ATRNL1: variants seen among roughly 807,000 people sequenced by gnomAD.
ATRNL1 encodes attractin-like protein 1.
In ATRNL1, 95 loss-of-function variants were observed where a neutral mutation model predicts 182.7. That is an observed-to-expected ratio of 0.52 (90% CI 0.44 to 0.62). The LOEUF is 0.62. Among genes scored for constraint, ATRNL1 ranks in the 20% least tolerant of loss-of-function variants. The pLI is 0.00. For missense variants in ATRNL1, 1,471 were observed against 1,679.5 expected (o/e 0.88, Z 2.17); for synonymous variants, 576 against 568.3 (o/e 1.01, Z -0.19).
chr10:115,434,724 C>T (rs1554964556), intron 21 of ATRNL1, among the ~76,000 whole-genome samples: 1 of 152,012 alleles, frequency 6.6e-6, no homozygotes, highest in Non-Finnish European at 1.5e-5. Flanking sequence ...GGCATGCATT[C>T]CAATAAATTA....
rs538213010 is a variant in ATRNL1, at chr10:115,451,938, T to A, written c.3323-10003T>A. On this transcript the variant is annotated intron_variant, in intron 21 of 28. Coordinates refer to ENST00000355044, the MANE Select transcript of ATRNL1 (RefSeq NM_207303.4). ...TGGAATACTATGTAGCCATAAAAAA[T>A]GAGATCATATATTTTGTGGGAATAT... Among the ~76,000 whole-genome samples the A allele has an allele frequency of 1.4e-4, 21 of 152,172 alleles. 1 individual carries two copies. In the South Asian group the frequency reaches 4.4e-3, roughly 32 times the overall value.
intron 27 of ATRNL1, among the ~76,000 whole-genome samples, chr10:115,752,956 G>A (rs564692733): frequency 6.6e-6 from 1 of 152,092 alleles, no homozygotes; most frequent in South Asian, 2.1e-4. Flanking sequence ...CGTGAGTTTG[G>A]TCAAGGGCTA....
intron 13 of ATRNL1, among the ~76,000 whole-genome samples, chr10:115,272,676 T>C (rs1554913552): frequency 6.6e-6 from 1 of 152,206 alleles, no homozygotes; most frequent in East Asian, 1.9e-4. Context: ...TATTGGATGC[T>C]GACTCAGAGC....
At chr10:115,326,374 A>G (rs1854882703) in intron 18 of ATRNL1, among the ~76,000 whole-genome samples, 1 of 152,088 alleles carries the variant, frequency 6.6e-6, no homozygotes, top group African/African-American at 2.4e-5. Flanking sequence ...ATCCAACTTA[A>G]AGGGACATGA....
chr10:115,221,816 T>G (rs1265850602), intron 9 of ATRNL1, among the ~76,000 whole-genome samples: 3 of 152,136 alleles, frequency 2.0e-5, no homozygotes, highest in Admixed American at 2.0e-4. Context: ...CATCATAATC[T>G]TTTATTAGAT....
intron 26 of ATRNL1, among the ~76,000 whole-genome samples, chr10:115,600,577 GTATTCT>G (rs1397103836): frequency 1.3e-5 from 2 of 152,064 alleles, no homozygotes; most frequent in African/African-American, 4.8e-5. Flanking sequence ...AATTGACAAA[GTATTCT>G]TATTATTGAG....
chr10:115,142,084 G>A (rs1442960726), intron 5 of ATRNL1, among the ~76,000 whole-genome samples: 1 of 152,106 alleles, frequency 6.6e-6, no homozygotes, highest in Non-Finnish European at 1.5e-5. Context: ...TTCAAGCTAG[G>A]AGAGACAGAC....
At chr10:115,186,529 A>G (rs1260909257) in intron 8 of ATRNL1, among the ~76,000 whole-genome samples, 1 of 152,134 alleles carries the variant, frequency 6.6e-6, no homozygotes, top group African/African-American at 2.4e-5. Context: ...ATTCAGCCAT[A>G]AAAAAGAATG....
chr10:115,933,553 T>C lies in ATRNL1; in HGVS notation c.4019-11105T>C, dbSNP rs146256767. Among the ~76,000 whole-genome samples the C allele has an allele frequency of 5.9e-5, 9 of 152,308 alleles. No individual in the cohort carries two copies. In the East Asian group the frequency reaches 1.5e-3, roughly 26 times the overall value. ...GTCCAGGTCTTTGCCCATGGCCTGA[T>C]GAAGAAAGGCAGCTGCAGTCATGAA... On this transcript the variant is annotated intron_variant, in intron 28 of 28. Coordinates refer to ENST00000355044, the MANE Select transcript of ATRNL1 (RefSeq NM_207303.4).
At chr10:115,213,376 C>T (rs1554895447) in intron 8 of ATRNL1, among the ~76,000 whole-genome samples, 1 of 152,040 alleles carries the variant, frequency 6.6e-6, no homozygotes, top group East Asian at 1.9e-4. Context: ...GTCCCTTTTG[C>T]TAGGGCTGCC....
At chr10:115,446,957 G>A (rs1847030840) in intron 21 of ATRNL1, among the ~76,000 whole-genome samples, 1 of 151,932 alleles carries the variant, frequency 6.6e-6, no homozygotes, top group Non-Finnish European at 1.5e-5. Context: ...ATCATTTAAA[G>A]TGGTTCTAAC....
chr10:115,230,915 G>GAGAGAGAGAGAGAGAGAGAGAA (rs1849915693), intron 9 of ATRNL1, among the ~76,000 whole-genome samples: 1 of 137,544 alleles, frequency 7.3e-6, no homozygotes, highest in Non-Finnish European at 1.6e-5. Flanking sequence ...GAGAGAGAGA[G>GAGAGAGAGAGAGAGAGAGAGAA]AGAGAGAAAG....
In ATRNL1 at chr10:115,663,733, C is replaced by CA. The variant is rs1396222957; in HGVS notation, c.3796-63509dup. 4.0e-5 allele frequency among the ~76,000 whole-genome samples: 6 copies of CA among 151,838 alleles called. No individual in the cohort carries two copies. The East Asian group carries it at 5.8e-4, about 15-fold the overall frequency. Reference sequence around the variant, plus strand: ...ATGAGGACTAAACATGGATGGATGCCAAAAAATCGCATTGGCTTGTGTACA... The same window carrying CA: ...ATGAGGACTAAACATGGATGGATGCCAAAAAAATCGCATTGGCTTGTGTACA... On this transcript the variant is annotated intron_variant, in intron 26 of 28. Coordinates refer to ENST00000355044, the MANE Select transcript of ATRNL1 (RefSeq NM_207303.4).
chr10:115,325,883 A>G (rs1269530271), intron 18 of ATRNL1, among the ~76,000 whole-genome samples: 1 of 151,828 alleles, frequency 6.6e-6, no homozygotes, highest in Admixed American at 6.6e-5. Flanking sequence ...TGTCTTATTC[A>G]GATGTTAAAA....
intron 28 of ATRNL1, among the ~76,000 whole-genome samples, chr10:115,919,884 A>G (rs1457759674): frequency 2.6e-5 from 4 of 152,096 alleles, no homozygotes; most frequent in African/African-American, 9.7e-5. Flanking sequence ...AATCTCTTTT[A>G]TAAGGGCACA....
intron 26 of ATRNL1, among the ~76,000 whole-genome samples, chr10:115,652,058 G>A (rs986105747): frequency 2.6e-5 from 4 of 152,018 alleles, no homozygotes; most frequent in South Asian, 2.1e-4. Flanking sequence ...TCACAAATTT[G>A]TTATGGATTG....
intron 28 of ATRNL1, among the ~76,000 whole-genome samples, chr10:115,857,147 G>A (rs938005366): frequency 6.6e-5 from 10 of 151,434 alleles, no homozygotes; most frequent in Admixed American, 6.6e-4. Context: ...CCTTTTTCTA[G>A]CTTACTTTAT....
At chr10:115,861,486 T>G (rs143253709) in intron 28 of ATRNL1, among the ~76,000 whole-genome samples, 389 of 152,312 alleles carry the variant, frequency 2.6e-3, no homozygotes, top group Non-Finnish European at 4.5e-3. Flanking sequence ...GTCATGTACC[T>G]TGCTATAAAT....
intron 25 of ATRNL1, among the ~76,000 whole-genome samples, chr10:115,538,550 G>A: frequency 6.6e-6 from 1 of 151,938 alleles, no homozygotes; most frequent in East Asian, 1.9e-4. Flanking sequence ...TTTTAGTTTT[G>A]CTGTTTATTT....
Sources: gnomAD v4.1 joint callset for allele counts (sites outside exome capture counted in the v4.1 genomes callset) on GRCh38, gnomAD v4.1.1 for gene constraint, MANE v1.5 for transcripts, NCBI Gene and HGNC (gene_info 2026-07-23, HGNC 2026-07-21) for gene names.